The following NBPF19 variants were observed in gnomAD, a reference collection of about 807,000 sequenced individuals.
The protein encoded by NBPF19 is NBPF member 19.
NBPF19 carries 30 observed loss-of-function variants against 45.9 expected under a neutral mutation model. The ratio of observed to expected loss-of-function variants is 0.65; its 90% CI spans 0.49 to 0.89. The LOEUF is 0.89. Among genes scored for constraint, NBPF19 ranks in the 40% least tolerant of loss-of-function variants. NBPF19 has a pLI of 0.00. For missense variants in NBPF19, 495 were observed against 471.8 expected (o/e 1.05, Z -0.46); for synonymous variants, 183 against 181.2 (o/e 1.01, Z -0.08).
chr1:149,486,523 G>A (rs1481318387), intron 8 of NBPF19, among the ~76,000 whole-genome samples: 1 of 151,350 alleles, frequency 6.6e-6, no homozygotes, highest in Admixed American at 6.6e-5. Context: ...GTGCCAACCT[G>A]GACTGACTGT....
chr1:149,487,893 A>C, intron 9 of NBPF19, 120 bp from the exon 10 acceptor site: 1 of 743,380 alleles, frequency 1.3e-6, no homozygotes, highest in South Asian at 1.4e-5. Context: ...TTGTTACCTC[A>C]CTAATGGATC....
At chr1:149,487,138 T>G (rs1165280505) in intron 8 of NBPF19, among the ~76,000 whole-genome samples, 194 bp from the exon 9 acceptor site, 6 of 151,052 alleles carry the variant, frequency 4.0e-5, no homozygotes, top group Non-Finnish European at 8.9e-5. Flanking sequence ...CAGGGGAATT[T>G]TGCCCAAGGC....
chr1:149,483,766 AT>A (rs2085348052), intron 7 of NBPF19, among the ~76,000 whole-genome samples: 1 of 63,956 alleles, frequency 1.6e-5, no homozygotes, highest in Admixed American at 1.9e-4. Context: ...TCTGTAAAGG[AT>A]TTATTTCTCC....
intron 9 of NBPF19, 79 bp from the exon 10 acceptor site, chr1:149,487,934 G>C (rs1414818612): frequency 2.6e-5 from 19 of 725,022 alleles, no homozygotes; most frequent in Admixed American, 4.0e-5. Context: ...TCTTCCTTAT[G>C]TTAGCCATGA....
chr1:149,554,460 C>A (rs1402171633), intron 93 of NBPF19, 35 bp from the exon 94 acceptor site: 1 of 1,607,696 alleles, frequency 6.2e-7, no homozygotes, highest in Non-Finnish European at 8.5e-7. Context: ...TCTGATTTTC[C>A]CTGGCTGCTT....
intron 9 of NBPF19, 77 bp downstream of exon 9, chr1:149,487,460 C>G (rs1177676443): frequency 1.0e-6 from 1 of 956,148 alleles, no homozygotes; most frequent in African/African-American, 1.6e-5. Context: ...ACAGTACATG[C>G]TGAAAATAAT....
Position 149,554,946 on chromosome 1 carries a change from T to C in NBPF19, c.*208T>C, listed in dbSNP as rs1461354446. The stretch of plus-strand genomic sequence containing the variant: ...CCACGTTAGGTGTGACACGTTCACA[T>C]AACTGTGCAGCACATGCCGGGAGTG... On this transcript the variant is annotated 3_prime_UTR_variant, in exon 94 of 94. Coordinates refer to ENST00000651566, the MANE Select transcript of NBPF19 (RefSeq NM_001351365.2). The C allele has an allele frequency of 1.5e-3, 1,303 of 849,564 alleles. 45 individuals are homozygous for C. Among genetic ancestry groups the C allele is most frequent in the South Asian group, 4.0e-3 (236 of 59,288 alleles). 52.6% of individuals were successfully genotyped at this position (849,564 alleles called of 1,614,324 possible).
chr1:149,479,865 C>T (rs9438319), intron 4 of NBPF19, among the ~76,000 whole-genome samples: 6 of 149,970 alleles, frequency 4.0e-5, no homozygotes, highest in Admixed American at 6.7e-5. Flanking sequence ...CAGCTGCCAA[C>T]GTCCAGAGAG....
Position 149,490,940 on chromosome 1 carries a change from G to A in NBPF19, c.1491-199G>A, listed in dbSNP as rs1448061931. ...TGTGTGCGTGTGTGTGTGTGTGTGT[G>A]TGTGTCCATCTGTCTCTTTCATTCT... On this transcript the variant is annotated intron_variant, in intron 13 of 93. Coordinates refer to ENST00000651566, the MANE Select transcript of NBPF19 (RefSeq NM_001351365.2). 5.1e-5 allele frequency among the ~76,000 whole-genome samples: 7 copies of A among 135,982 alleles called. 1 individual carries two copies. The highest frequency in any genetic ancestry group is 3.8e-4 in the Admixed American group (5 of 13,148). The allele number at this position is 135,982 out of a possible 152,430, so 89.2% of individuals were successfully genotyped here.
rs1259745108 is a variant in NBPF19, at chr1:149,487,951, G to C, written c.1041-62G>C. ...TTCCTTATGTTAGCCATGAAATCTAGCTGGGGCTGTGTGGTTTCTGATTCC... is the reference window on the plus strand; with the variant it reads ...TTCCTTATGTTAGCCATGAAATCTACCTGGGGCTGTGTGGTTTCTGATTCC... On this transcript the variant is annotated intron_variant, in intron 9 of 93. Transcript: ENST00000651566. The C allele has an allele frequency of 1.8e-4, 129 of 705,958 alleles. 6 individuals carry two copies. Among genetic ancestry groups the C allele is most frequent in the African/African-American group, 1.8e-3 (101 of 55,542 alleles). 43.7% of individuals were successfully genotyped at this position (705,958 alleles called of 1,614,324 possible).
In NBPF19 at chr1:149,554,373, T is replaced by C. The variant is rs1476400778; in HGVS notation, c.11289-122T>C. The C allele has an allele frequency of 3.2e-6, 5 of 1,574,328 alleles. No homozygotes were observed. In the African/African-American group the frequency reaches 6.9e-5, roughly 22 times the overall value. On this transcript the variant is annotated intron_variant, in intron 93 of 93. Coordinates refer to ENST00000651566, the MANE Select transcript of NBPF19 (RefSeq NM_001351365.2). ...AAGGCAATAAATTTTTTTTTTTACC[T>C]CATTAATGGATCTATCCTTTTTCTT... is the stretch of plus-strand genomic sequence containing the variant.
At position 149,556,317 on chromosome 1, in the gene NBPF19, T is replaced by A. The variant is rs2087247970; in HGVS notation, c.*1579T>A. The A allele has an allele frequency of 6.7e-6, 1 of 149,870 alleles. No homozygotes were observed. The highest frequency in any genetic ancestry group is 2.5e-5 in the African/African-American group (1 of 40,774). The allele number at this position is 149,870 out of a possible 1,614,324, so 9.3% of individuals were successfully genotyped here. ...TATAATATTTGATTATGCTGATTGG[T>A]TTTGGTGGGTACTGATGTGAATTAA... is the stretch of plus-strand genomic sequence containing the variant. On this transcript the variant is annotated 3_prime_UTR_variant, in exon 94 of 94. Transcript: ENST00000651566.
Position 149,478,055 on chromosome 1 carries a change from G to A in NBPF19, c.278+8G>A. On this transcript the variant is annotated splice_region_variant and intron_variant, in intron 3 of 93. Coordinates refer to ENST00000651566, the MANE Select transcript of NBPF19 (RefSeq NM_001351365.2). ...GCAAGCTGAGGAGCTCAGGTGAGGG[G>A]ACCCCGTGGGGGGAGGGCAGGCGGG... 2 of 1,565,010 alleles carry A rather than the reference G, an allele frequency of 1.3e-6. No homozygotes were observed. The highest frequency in any genetic ancestry group is 8.7e-7 in the Non-Finnish European group (1 of 1,143,814).
chr1:149,479,075 T>A lies in NBPF19; in HGVS notation c.474T>A (p.Leu158=). The A allele has an allele frequency of 1.3e-6, 2 of 1,559,496 alleles. No homozygotes were observed. Among genetic ancestry groups the A allele is most frequent in the Non-Finnish European group, 1.8e-6 (2 of 1,133,406 alleles). ...LAEGCRLAQH[L]VQKLSPENDN... ...AGGGGTGTAGACTGGCACAGCACCT[T>A]GTCCAAAAGCTCAGCCCAGGTAAGG... The change falls in exon 4 of 94, where the codon CTT becomes CTA. Residue 158 remains leucine, a synonymous_variant. Coordinates refer to ENST00000651566, the MANE Select transcript of NBPF19 (RefSeq NM_001351365.2).
chr1:149,554,556 T>C lies in NBPF19; in HGVS notation c.11350T>C (p.Cys3784Arg), dbSNP rs2087197215. 1.9e-6 allele frequency: 3 copies of C among 1,608,264 alleles called. No homozygotes were observed. Among genetic ancestry groups the C allele is most frequent in the Non-Finnish European group, 2.5e-6 (3 of 1,176,754 alleles). The change falls in exon 94 of 94, where the codon TGT (cysteine) becomes CGT (arginine). Residue 3784 changes from cysteine (C) to arginine (R), a missense_variant. Transcript: ENST00000651566. The part of the protein sequence containing the change: ...PEVLQDSLDG[C>R]YSTPSMYFEL... Reference sequence around the variant, plus strand: ...AGTCTTACAGGACTCACTGGATGGATGTTATTCGACTCCGTCAATGTACTT... The same window carrying C: ...AGTCTTACAGGACTCACTGGATGGACGTTATTCGACTCCGTCAATGTACTT...
At chr1:149,486,366 G>T (rs1449087720) in intron 8 of NBPF19, 73 bp downstream of exon 8, 1 of 648,650 alleles carries the variant, frequency 1.5e-6, no homozygotes, top group African/African-American at 2.0e-5. Flanking sequence ...TTTGGGCCTT[G>T]TGCCCCTTGT....
rs1433007805 is a variant in NBPF19, at chr1:149,554,717, G to T, written c.11511G>T (p.Met3837Ile). Residue 3837 changes from methionine (M) to isoleucine (I), a missense_variant, in exon 94 of 94, where the codon ATG (methionine) becomes ATT (isoleucine). This residue lies in a region of NBPF19 where 248 missense variants were observed against 95.4 expected (regional missense o/e 2.60). Coordinates refer to ENST00000651566, the MANE Select transcript of NBPF19 (RefSeq NM_001351365.2). ...TVTSLHLVFQ[M>I]LVIFPQ ...CAAGTCTCCATCTGGTGTTCCAGATGTTAGTCATATTCCCACAATAGGCAG... is the reference window on the plus strand; with the variant it reads ...CAAGTCTCCATCTGGTGTTCCAGATTTTAGTCATATTCCCACAATAGGCAG... 23 of 1,608,218 alleles carry T rather than the reference G, an allele frequency of 1.4e-5. No individual in the cohort carries two copies. Among genetic ancestry groups the T allele is most frequent in the Non-Finnish European group, 1.9e-5 (22 of 1,176,670 alleles).
Position 149,475,495 on chromosome 1 carries a change from G to T in NBPF19, c.-336G>T, listed in dbSNP as rs2084768572. 16 of 610,122 alleles carry T rather than the reference G, an allele frequency of 2.6e-5. No individual in the cohort carries two copies. The South Asian group carries it at 2.8e-4, about 10-fold the overall frequency. The allele number at this position is 610,122 out of a possible 1,614,324, so 37.8% of individuals were successfully genotyped here. On this transcript the variant is annotated 5_prime_UTR_variant, in exon 1 of 94. The change creates a premature stop within an existing upstream ORF in the 5' untranslated region. Coordinates refer to ENST00000651566, the MANE Select transcript of NBPF19 (RefSeq NM_001351365.2). ...ACAAGGGTACACGAATACTGAGAGT[G>T]AATGCTGAAGGAATGATCCCCATTG...
Position 149,488,344 on chromosome 1 carries a change from AGC to A in NBPF19, c.1213+160_1213+161del, listed in dbSNP as rs1417572499. ...GAATGAAACTCTAGTTCCACTTGGC[AGC>A]CCAGACAAGGGATGGTTCAGTGAGC... On this transcript the variant is annotated intron_variant, in intron 10 of 93. Transcript: ENST00000651566. Among the ~76,000 whole-genome samples the A allele has an allele frequency of 2.4e-3, 344 of 141,768 alleles. 13 individuals carry two copies. The highest frequency in any genetic ancestry group is 4.1e-3 in the Non-Finnish European group (271 of 65,684). The allele number at this position is 141,768 out of a possible 152,430, so 93.0% of individuals were successfully genotyped here. A position where few individuals can be genotyped will look rare whatever the true frequency, so the allele number is the denominator to read the frequency against.
Sources: gnomAD v4.1 joint callset for allele counts (sites outside exome capture counted in the v4.1 genomes callset) on GRCh38, gnomAD v4.1.1 for gene constraint, gnomAD v4.1.1 regional missense constraint, MANE v1.5 for transcripts, NCBI Gene and HGNC (gene_info 2026-07-23, HGNC 2026-07-21) for gene names.